UCHL3: variants seen among roughly 807,000 people sequenced by gnomAD.
UCHL3 encodes the protein ubiquitin C-terminal hydrolase L3.
A neutral mutation model predicts 35.8 loss-of-function variants in UCHL3; 22 were observed. That is an observed-to-expected ratio of 0.61 (90% CI 0.44 to 0.88). The LOEUF (loss-of-function observed/expected upper bound fraction) is 0.88, where lower values mean the gene tolerates loss of function less well. UCHL3 is among the 40% of genes least tolerant of loss of function. The pLI, the probability that UCHL3 is intolerant of heterozygous loss-of-function variation, is 0.00. For synonymous variants in UCHL3, 90 were observed against 92.8 expected (o/e 0.97, Z 0.17); for missense variants, 229 against 276.9 (o/e 0.83, Z 1.23).
In UCHL3 at chr13:75,601,965, T is replaced by C. The variant is rs893216958; in HGVS notation, c.551-2804T>C. ...TCTACTAAAAATACAAAAAATTAGC[T>C]GGGTGTGGTGGTGGGTGCCTGTAGT... On this transcript the variant is annotated intron_variant, in intron 7 of 8. Coordinates refer to ENST00000377595, the MANE Select transcript of UCHL3 (RefSeq NM_006002.5). Among the ~76,000 whole-genome samples, 161 of 151,854 alleles carry C rather than the reference T, an allele frequency of 1.1e-3. 1 individual carries two copies. The highest frequency in any genetic ancestry group is 1.3e-4 in the Non-Finnish European group (9 of 67,950).
intron 6 of UCHL3, among the ~76,000 whole-genome samples, chr13:75,591,111 C>T (rs1028359894): frequency 3.9e-5 from 6 of 152,144 alleles, no homozygotes; most frequent in African/African-American, 1.2e-4. Context: ...TCTGATTACA[C>T]GTACATTTAA....
At position 75,596,174 on chromosome 13, in the gene UCHL3, A is replaced by G. The variant is rs1379447923; in HGVS notation, c.550+1184A>G. 2.0e-5 allele frequency among the ~76,000 whole-genome samples: 3 copies of G among 152,344 alleles called. No homozygotes were observed. In the East Asian group the frequency reaches 5.8e-4, roughly 29 times the overall value. ...TTTGTGTTTGGAATATTAGCAACAG[A>G]TCGCATACTTTATTAAAAAGAAATG... On this transcript the variant is annotated intron_variant, in intron 7 of 8. Transcript: ENST00000377595.
At chr13:75,556,495 A>G (rs1295919489) in intron 2 of UCHL3, among the ~76,000 whole-genome samples, 1 of 152,248 alleles carries the variant, frequency 6.6e-6, no homozygotes, top group Non-Finnish European at 1.5e-5. Context: ...CCCTGAACAG[A>G]CCATTAAAGA....
At chr13:75,569,575 T>A in intron 6 of UCHL3, 68 bp downstream of exon 6, 2 of 1,412,956 alleles carry the variant, frequency 1.4e-6, no homozygotes, top group Non-Finnish European at 2.0e-6. Context: ...GCTGTAAATT[T>A]AACCATAGTA....
chr13:75,594,654 G>T (rs1243822196), intron 6 of UCHL3, among the ~76,000 whole-genome samples: 1 of 152,148 alleles, frequency 6.6e-6, no homozygotes, highest in Non-Finnish European at 1.5e-5. Context: ...CTTCTAAGGT[G>T]AACACAATTT....
At chr13:75,570,652 CA>C (rs2031826300) in intron 6 of UCHL3, among the ~76,000 whole-genome samples, 1 of 152,204 alleles carries the variant, frequency 6.6e-6, no homozygotes, top group Non-Finnish European at 1.5e-5. Context: ...CACACCTGTG[CA>C]GTCCCAGTGC....
intron 7 of UCHL3, among the ~76,000 whole-genome samples, chr13:75,603,739 G>A (rs2032847175): frequency 6.6e-6 from 1 of 151,986 alleles, no homozygotes; most frequent in Admixed American, 6.5e-5. Flanking sequence ...TAGAAAGATA[G>A]TATAAGTTCA....
chr13:75,567,427 A>C, intron 5 of UCHL3, 115 bp downstream of exon 5: 2 of 867,684 alleles, frequency 2.3e-6, no homozygotes, highest in Non-Finnish European at 3.6e-6. Context: ...ATTTTATTGT[A>C]TCCATTAAGA....
At chr13:75,592,448 A>ATATACG (rs1555276758) in intron 6 of UCHL3, among the ~76,000 whole-genome samples, 1 of 116,644 alleles carries the variant, frequency 8.6e-6, no homozygotes, top group African/African-American at 3.2e-5. Flanking sequence ...ATATATATAT[A>ATATACG]TATATATATA....
intron 6 of UCHL3, among the ~76,000 whole-genome samples, chr13:75,588,495 A>G (rs2032389468): frequency 6.6e-6 from 1 of 152,050 alleles, no homozygotes; most frequent in Non-Finnish European, 1.5e-5. Context: ...TATCATATAC[A>G]CTTTTGTTCC....
Position 75,550,071 on chromosome 13 carries a change from T to C in UCHL3, c.54+84T>C, listed in dbSNP as rs1665140304. Reference sequence around the variant, plus strand: ...TCCCTGCTGGACTCCACCTCCACGCTTCCAGGGATTCTGGGATTTAATTTC... The same window carrying C: ...TCCCTGCTGGACTCCACCTCCACGCCTCCAGGGATTCTGGGATTTAATTTC... On this transcript the variant is annotated intron_variant, in intron 2 of 8. Coordinates refer to ENST00000377595, the MANE Select transcript of UCHL3 (RefSeq NM_006002.5). The C allele has an allele frequency of 1.7e-5, 27 of 1,595,212 alleles. No individual in the cohort carries two copies. The South Asian group carries it at 2.6e-4, about 16-fold the overall frequency.
chr13:75,565,496 T>G lies in UCHL3; in HGVS notation c.184-1199T>G, dbSNP rs1295130728. Among the ~76,000 whole-genome samples the G allele has an allele frequency of 3.3e-5, 5 of 152,224 alleles. No individual in the cohort carries two copies. The South Asian group carries it at 6.2e-4, about 19-fold the overall frequency. ...GCAGTTTCTTAACTACTTGTAGGTT[T>G]TCTATAGACATCGTTTGTTTCTTTT... On this transcript the variant is annotated intron_variant, in intron 3 of 8. Coordinates refer to ENST00000377595, the MANE Select transcript of UCHL3 (RefSeq NM_006002.5).
At chr13:75,603,179 G>A (rs1297984993) in intron 7 of UCHL3, among the ~76,000 whole-genome samples, 3 of 151,996 alleles carry the variant, frequency 2.0e-5, no homozygotes, top group African/African-American at 7.2e-5. Context: ...TTGTAAAGGT[G>A]GGGTCTCACT....
At chr13:75,563,163 GTATA>G (rs1472601185) in intron 3 of UCHL3, among the ~76,000 whole-genome samples, 2 of 151,366 alleles carry the variant, frequency 1.3e-5, no homozygotes, top group East Asian at 1.9e-4. Context: ...ATGTATGTAT[GTATA>G]TATATGTTTA....
chr13:75,575,447 C>T (rs1298158842), intron 6 of UCHL3, among the ~76,000 whole-genome samples: 2 of 152,142 alleles, frequency 1.3e-5, no homozygotes, highest in Admixed American at 6.5e-5. Context: ...CATTGATTTT[C>T]CACTTGCTAC....
intron 6 of UCHL3, among the ~76,000 whole-genome samples, chr13:75,583,350 A>G (rs1385866759): frequency 3.3e-5 from 5 of 152,210 alleles, no homozygotes; most frequent in Non-Finnish European, 5.9e-5. Context: ...TTTTAGACTC[A>G]TTATCCTTTT....
chr13:75,558,030 G>C lies in UCHL3; in HGVS notation c.55-2723G>C, dbSNP rs75608588. On this transcript the variant is annotated intron_variant, in intron 2 of 8. Transcript: ENST00000377595. ...TTCTCTACCCTTTCTCCATTTCCCA[G>C]AGGTAGTCTTTATAGCTGCTTTTAT... Among the ~76,000 whole-genome samples, 451 of 151,232 alleles carry C rather than the reference G, an allele frequency of 3.0e-3. 1 individual carries two copies. Among genetic ancestry groups the C allele is most frequent in the African/African-American group, 0.01 (428 of 41,120 alleles).
intron 2 of UCHL3, among the ~76,000 whole-genome samples, chr13:75,560,082 AC>A (rs777553216): frequency 1.4e-4 from 22 of 152,326 alleles, no homozygotes; most frequent in Non-Finnish European, 1.0e-4. Context: ...CCAGTAGTTT[AC>A]TTCCTATATC....
chr13:75,594,375 G>C (rs1593762394), intron 6 of UCHL3, among the ~76,000 whole-genome samples: 1 of 152,026 alleles, frequency 6.6e-6, no homozygotes, highest in Non-Finnish European at 1.5e-5. Flanking sequence ...AATCCAGAGT[G>C]GGTTAAAATG....
Sources: gnomAD v4.1 joint callset for allele counts (sites outside exome capture counted in the v4.1 genomes callset) on GRCh38, gnomAD v4.1.1 for gene constraint, MANE v1.5 for transcripts, NCBI Gene and HGNC (gene_info 2026-07-23, HGNC 2026-07-21) for gene names.